Variants in SHTN1 observed in about 807,000 individuals in gnomAD.
The protein encoded by SHTN1 is shootin-1.
A neutral mutation model predicts 83.1 loss-of-function variants in SHTN1; 42 were observed. The observed-to-expected ratio is 0.51, with a 90% confidence interval of 0.39 to 0.65. The LOEUF (loss-of-function observed/expected upper bound fraction) is 0.65, where lower values mean the gene tolerates loss of function less well. SHTN1 is among the 30% of genes least tolerant of loss of function. The pLI is 0.00. For synonymous variants in SHTN1, 224 were observed against 247.7 expected (o/e 0.90, Z 0.90); for missense variants, 622 against 737.8 (o/e 0.84, Z 1.82).
intron 9 of SHTN1, among the ~76,000 whole-genome samples, chr10:116,935,985 T>C (rs866991281): frequency 6.6e-6 from 1 of 152,206 alleles, no homozygotes; most frequent in South Asian, 2.1e-4. Context: ...TGATGGTAGT[T>C]TGTATTTCTG....
Position 116,954,096 on chromosome 10 carries a change from T to C in SHTN1, c.382A>G (p.Thr128Ala). 1 of 1,614,124 alleles carries C rather than the reference T, an allele frequency of 6.2e-7. No homozygotes were observed. Among genetic ancestry groups the C allele is most frequent in the East Asian group, 2.2e-5 (1 of 44,872 alleles). The change falls in exon 5 of 17, where the codon ACA becomes GCA. Residue 128 changes from threonine (T) to alanine (A), a missense_variant. By Grantham distance (58) the Thr-to-Ala change is moderately conservative. Around this residue, in one of 3 missense-constraint regions of SHTN1, gnomAD observed 383 missense variants for 455.8 expected, o/e 0.84. Transcript: ENST00000355371. ...NIDDEDSTTD[T>A]DGAAETCVSV... ...ACACAAGTCTCGGCGGCACCGTCTG[T>C]GTCTGTAGTCGAATCTTCATCATCA...
chr10:116,899,594 G>C (rs913096299), intron 16 of SHTN1, among the ~76,000 whole-genome samples: 1 of 151,386 alleles, frequency 6.6e-6, no homozygotes, highest in East Asian at 1.9e-4. Context: ...TCTGTATTTA[G>C]AGCCGACTGT....
intron 16 of SHTN1, among the ~76,000 whole-genome samples, chr10:116,899,114 C>G (rs953252310): frequency 6.6e-6 from 1 of 152,042 alleles, no homozygotes; most frequent in African/African-American, 2.4e-5. Flanking sequence ...AGGAATTGTT[C>G]CATGTGTGTA....
chr10:116,980,009 ATAT>A (rs1231182979), intron 1 of SHTN1, among the ~76,000 whole-genome samples: 1 of 151,990 alleles, frequency 6.6e-6, no homozygotes, highest in Non-Finnish European at 1.5e-5. Flanking sequence ...CTGTTTGAAA[ATAT>A]TATCCACTAG....
intron 1 of SHTN1, among the ~76,000 whole-genome samples, chr10:117,060,273 T>C (rs1852881180): frequency 6.6e-6 from 1 of 152,140 alleles, no homozygotes; most frequent in Non-Finnish European, 1.5e-5. Flanking sequence ...CATTTTAAAA[T>C]GTTATTTATG....
chr10:116,892,117 T>C (rs1847358065), intron 16 of SHTN1, among the ~76,000 whole-genome samples: 1 of 152,216 alleles, frequency 6.6e-6, no homozygotes, highest in African/African-American at 2.4e-5. Flanking sequence ...TGCTCAGCAA[T>C]ATTTTCTTTA....
intron 1 of SHTN1, among the ~76,000 whole-genome samples, chr10:116,983,710 AC>A (rs1851128672): frequency 6.7e-6 from 1 of 149,788 alleles, no homozygotes; most frequent in Admixed American, 6.7e-5. Flanking sequence ...ATACATACAT[AC>A]ATACATACAT....
At chr10:117,040,614 A>C (rs1852569969) in intron 2 of SHTN1, among the ~76,000 whole-genome samples, 1 of 152,200 alleles carries the variant, frequency 6.6e-6, no homozygotes, top group African/African-American at 2.4e-5. Flanking sequence ...GGGAACTCTC[A>C]TGAATCTAAA....
intron 1 of SHTN1, among the ~76,000 whole-genome samples, chr10:117,076,105 C>A (rs1421006595): frequency 1.3e-5 from 2 of 150,278 alleles, no homozygotes; most frequent in East Asian, 2.0e-4. Flanking sequence ...ATCACCTGAG[C>A]CTGGAAGGCA....
chr10:117,107,978 A>G (rs1274253524), intron 1 of SHTN1, among the ~76,000 whole-genome samples: 1 of 152,220 alleles, frequency 6.6e-6, no homozygotes, highest in Non-Finnish European at 1.5e-5. Context: ...GGCATGAGCC[A>G]CTGCACCTGG....
intron 3 of SHTN1, among the ~76,000 whole-genome samples, chr10:116,963,060 T>C: frequency 1.5e-5 from 1 of 65,714 alleles, no homozygotes; most frequent in African/African-American, 8.1e-5. Flanking sequence ...TTTTTTTTTT[T>C]TTTTTTTTTT....
At chr10:116,927,994 TTTA>T in intron 10 of SHTN1, 103 bp from the exon 11 acceptor site, 1 of 1,342,894 alleles carries the variant, frequency 7.4e-7, no homozygotes, top group Non-Finnish European at 1.0e-6. Context: ...GTAAGTTCTT[TTTA>T]TTAAGGCAAA....
chr10:116,928,927 A>G (rs144786313), intron 10 of SHTN1, among the ~76,000 whole-genome samples: 9 of 152,318 alleles, frequency 5.9e-5, no homozygotes, highest in South Asian at 2.1e-4. Flanking sequence ...TGAACCTTAT[A>G]TATTTCCAGT....
chr10:116,923,966 A>G (rs1367078740), intron 11 of SHTN1, among the ~76,000 whole-genome samples: 2 of 152,142 alleles, frequency 1.3e-5, no homozygotes, highest in East Asian at 1.9e-4. Flanking sequence ...AACTCACTGG[A>G]TAATCTCCCA....
intron 2 of SHTN1, among the ~76,000 whole-genome samples, chr10:116,976,925 A>C (rs1254143220): frequency 2.6e-5 from 4 of 152,250 alleles, no homozygotes; most frequent in Non-Finnish European, 4.4e-5. Context: ...CAACAGAAGC[A>C]GGTCAATAAT....
At chr10:117,039,867 A>G (rs1330493331) in intron 2 of SHTN1, among the ~76,000 whole-genome samples, 2 of 149,966 alleles carry the variant, frequency 1.3e-5, no homozygotes, top group East Asian at 3.9e-4. Context: ...AAAAAAAAAG[A>G]AAGAAAGAAA....
At chr10:117,090,277 G>C (rs1853410247) in intron 1 of SHTN1, among the ~76,000 whole-genome samples, 1 of 152,142 alleles carries the variant, frequency 6.6e-6, no homozygotes. Flanking sequence ...GAACCTTAAA[G>C]GACACTAAGT....
intron 1 of SHTN1, among the ~76,000 whole-genome samples, chr10:117,053,048 G>A (rs1318601699): frequency 9.3e-6 from 1 of 107,746 alleles, no homozygotes; most frequent in Admixed American, 9.6e-5. Context: ...GAATTAAGTT[G>A]GACCCTTACG....
chr10:117,065,953 C>T (rs183772965), intron 1 of SHTN1, among the ~76,000 whole-genome samples: 43 of 148,126 alleles, frequency 2.9e-4, no homozygotes, highest in Admixed American at 2.6e-3. Context: ...CCTGTGGTCC[C>T]AACAGTTTGG....
Sources: allele counts gnomAD v4.1 joint callset (sites outside exome capture counted in the v4.1 genomes callset), GRCh38; gene constraint gnomAD v4.1.1; regional missense constraint gnomAD v4.1.1; transcripts MANE v1.5; gene names NCBI Gene and HGNC (gene_info 2026-07-23, HGNC 2026-07-21).